Variants in HM13 observed in about 807,000 individuals in gnomAD.
HM13 encodes histocompatibility minor 13, also known as signal peptide peptidase.
HM13 carries 18 observed loss-of-function variants against 50.0 expected under a neutral mutation model. The ratio of observed to expected loss-of-function variants is 0.36; its 90% CI spans 0.25 to 0.53. HM13 has a LOEUF of 0.53. HM13 is among the 20% of genes least tolerant of loss of function. The probability of loss-of-function intolerance (pLI) is 0.90; values close to 1 mark genes in which losing one functional copy is unlikely to be tolerated. For synonymous variants in HM13, 197 were observed against 232.6 expected, an observed-to-expected ratio of 0.85 and a Z score of 1.39; for missense variants, 393 against 552.4, an observed-to-expected ratio of 0.71 and a Z score of 2.89.
chr20:31,521,105 T>TA (rs1413096007), intron 1 of HM13, among the ~76,000 whole-genome samples: 1 of 152,210 alleles, frequency 6.6e-6, no homozygotes, highest in African/African-American at 2.4e-5. Flanking sequence ...CAAATCTGGT[T>TA]AAAAAATCGC....
At chr20:31,532,617 T>C (rs1407810961) in intron 2 of HM13, among the ~76,000 whole-genome samples, 3 of 152,172 alleles carry the variant, frequency 2.0e-5, no homozygotes, top group Non-Finnish European at 2.9e-5. Flanking sequence ...TGTCCTTAGA[T>C]GTGTATGTTT....
intron 3 of HM13, among the ~76,000 whole-genome samples, chr20:31,542,819 G>A (rs915147040): frequency 2.0e-5 from 3 of 152,186 alleles, no homozygotes; most frequent in African/African-American, 7.2e-5. Flanking sequence ...TACAAGAAAG[G>A]TGTTGTAGCA....
intron 3 of HM13, chr20:31,539,186 T>G: frequency 1.0e-6 from 1 of 985,484 alleles, no homozygotes. Context: ...TCTGCAGGAC[T>G]ATCCCATGTA....
chr20:31,545,007 C>T lies in HM13; in HGVS notation c.426C>T (p.Phe142=). The T allele has an allele frequency of 6.2e-7, 1 of 1,614,214 alleles. No homozygotes were observed. The change falls in exon 4 of 13, where the codon TTC becomes TTT. Residue 142 remains phenylalanine, a synonymous_variant. Coordinates refer to ENST00000398174, the MANE Select transcript of HM13 (RefSeq NM_178581.3). ...SFPNRQYQLL[F]TQGSGENKEE... ...CAAATCGACAGTACCAGCTGCTCTT[C>T]ACACAGGGTTCTGGGGAAAACAAGG... is the stretch of plus-strand genomic sequence containing the variant.
chr20:31,517,060 G>C (rs917908970), intron 1 of HM13, among the ~76,000 whole-genome samples: 2 of 152,122 alleles, frequency 1.3e-5, no homozygotes, highest in South Asian at 4.1e-4. Context: ...TTGACCTAGG[G>C]AAAGGACAGG....
intron 2 of HM13, among the ~76,000 whole-genome samples, chr20:31,529,882 G>A (rs1316637799): frequency 6.6e-6 from 1 of 152,062 alleles, no homozygotes; most frequent in African/African-American, 2.4e-5. Context: ...CAGGGGAATC[G>A]CTTGAACCCG....
intron 9 of HM13, among the ~76,000 whole-genome samples, chr20:31,560,537 G>A (rs769850250): frequency 6.6e-6 from 1 of 152,208 alleles, no homozygotes; most frequent in South Asian, 2.1e-4. Context: ...TGGGCTCACA[G>A]TCACCTTTGG....
intron 6 of HM13, 107 bp downstream of exon 6, chr20:31,549,439 T>A: frequency 6.9e-7 from 1 of 1,456,766 alleles, no homozygotes; most frequent in Non-Finnish European, 9.5e-7. Context: ...AGAGCTGTTT[T>A]GGGCTGAAGT....
chr20:31,530,090 G>A (rs913338723), intron 2 of HM13, among the ~76,000 whole-genome samples: 1 of 152,116 alleles, frequency 6.6e-6, no homozygotes, highest in Non-Finnish European at 1.5e-5. Context: ...AGGAGTTAGA[G>A]GCCAGTGTGG....
chr20:31,559,213 T>C (rs533476002), intron 8 of HM13, among the ~76,000 whole-genome samples: 1 of 152,324 alleles, frequency 6.6e-6, no homozygotes, highest in African/African-American at 2.4e-5. Flanking sequence ...AATCTCACAA[T>C]GATTTCCGTG....
intron 3 of HM13, 136 bp from the exon 4 acceptor site, chr20:31,544,811 A>G (rs1016569524): frequency 1.3e-5 from 9 of 695,568 alleles, no homozygotes; most frequent in Middle Eastern, 3.9e-4. Flanking sequence ...CTGTTTTCAC[A>G]TCTGTAGAGT....
At position 31,569,279 on chromosome 20, in the gene HM13, A is replaced by G; in HGVS notation, c.*60A>G. 9 of 1,215,118 alleles carry G rather than the reference A, an allele frequency of 7.4e-6. No homozygotes were observed. In the South Asian group the frequency reaches 1.1e-4, roughly 16 times the overall value. The allele number at this position is 1,215,118 out of a possible 1,614,324, so 75.3% of individuals were successfully genotyped here. A position where few individuals can be genotyped will look rare whatever the true frequency, so the allele number is the denominator to read the frequency against. On this transcript the variant is annotated 3_prime_UTR_variant, in exon 13 of 13. Transcript: ENST00000398174. ...AGACAGATGGGGGCTGGGCCCACAC[A>G]GGCGTGCACCGGTAGAGGGCACAGG...
Position 31,514,855 on chromosome 20 carries a change from C to A in HM13, c.183+121C>A. ...ACTGACTCTTCCCAGCCCTGATCAC[C>A]ACCGTTCCCTCTGTCTCGGGCCCAC... On this transcript the variant is annotated intron_variant, in intron 1 of 12. Transcript: ENST00000398174. The surrounding 1 kb of genome is among the most constrained non-coding windows in gnomAD (Gnocchi z 4.3). 9.9e-7 allele frequency: 1 copy of A among 1,006,048 alleles called. No individual in the cohort carries two copies. Among genetic ancestry groups the A allele is most frequent in the Non-Finnish European group, 1.4e-6 (1 of 721,288 alleles). The allele number at this position is 1,006,048 out of a possible 1,614,324, so 62.3% of individuals were successfully genotyped here.
rs148769598 is a variant in HM13 at position 31,566,370 on chromosome 20, G to T, written c.1034+75G>T. On this transcript the variant is annotated intron_variant, in intron 11 of 12. Coordinates refer to ENST00000398174, the MANE Select transcript of HM13 (RefSeq NM_178581.3). The stretch of plus-strand genomic sequence containing the variant: ...TGGCAGTCAGTGGAACCTGCTGGGG[G>T]TATCTTTACACCTCTCCAGGGGAAC... 693 of 1,194,480 alleles carry T rather than the reference G, an allele frequency of 5.8e-4. 3 individuals carry two copies. The African/African-American group carries it at 9.3e-3, about 16-fold the overall frequency. 74.0% of individuals were successfully genotyped at this position (1,194,480 alleles called of 1,614,324 possible).
intron 9 of HM13, among the ~76,000 whole-genome samples, chr20:31,560,942 G>A (rs566721479): frequency 6.6e-6 from 1 of 152,328 alleles, no homozygotes; most frequent in East Asian, 1.9e-4. Flanking sequence ...AGGTGCTGGG[G>A]ACATGCAGAG....
chr20:31,559,981 A>G (rs1002614652), intron 9 of HM13, among the ~76,000 whole-genome samples: 2 of 152,202 alleles, frequency 1.3e-5, no homozygotes, highest in South Asian at 2.1e-4. Flanking sequence ...AGTTCCTACC[A>G]TGAAAATCTG....
chr20:31,550,368 A>G (rs1983977398), intron 7 of HM13: 3 of 513,384 alleles, frequency 5.8e-6, no homozygotes, highest in Non-Finnish European at 3.5e-6. Flanking sequence ...GGGAGCGAGC[A>G]TGGAGGGGAA....
intron 2 of HM13, among the ~76,000 whole-genome samples, chr20:31,534,158 G>A (rs1250596603): frequency 2.6e-5 from 4 of 152,098 alleles, no homozygotes; most frequent in Middle Eastern, 3.4e-3. Flanking sequence ...GATTACAGGC[G>A]CAAGCCACTG....
chr20:31,567,480 T>A (rs972374804), intron 11 of HM13, among the ~76,000 whole-genome samples: 3 of 152,036 alleles, frequency 2.0e-5, no homozygotes, highest in African/African-American at 7.2e-5. Context: ...ACCCTGGACA[T>A]TCTTAGATTG....
Sources: gnomAD v4.1 joint callset for allele counts (sites outside exome capture counted in the v4.1 genomes callset) on GRCh38, gnomAD v4.1.1 for gene constraint, Gnocchi (gnomAD v3.1) non-coding constraint, MANE v1.5 for transcripts, NCBI Gene and HGNC (gene_info 2026-07-23, HGNC 2026-07-21) for gene names.